The following MYO9B variants were observed in gnomAD, a reference collection of about 807,000 sequenced individuals.
MYO9B encodes the protein myosin IXB.
A neutral mutation model predicts 229.5 loss-of-function variants in MYO9B; 71 were observed. That is an observed-to-expected ratio of 0.31 (90% CI 0.26 to 0.38). The LOEUF is 0.38. MYO9B is among the 10% of genes least tolerant of loss of function. The probability of loss-of-function intolerance (pLI) is 1.00; values close to 1 mark genes in which losing one functional copy is unlikely to be tolerated. For missense variants in MYO9B, 2,255 were observed against 2,920.5 expected (o/e 0.77, Z 5.25); for synonymous variants, 1,185 against 1,235.8 (o/e 0.96, Z 0.86).
chr19:17,159,286 CCGTCT>C, intron 7 of MYO9B, 104 bp from the exon 8 acceptor site: 1 of 959,804 alleles, frequency 1.0e-6, no homozygotes, highest in Non-Finnish European at 1.6e-6. Context: ...TGCTGGGGGT[CCGTCT>C]CCCAGCTGCC....
At chr19:17,170,831 T>TA (rs548201494) in intron 11 of MYO9B, among the ~76,000 whole-genome samples, 4,569 of 120,846 alleles carry the variant, frequency 0.038, 206 homozygotes, top group East Asian at 0.1. Context: ...CTCTAAAAAT[T>TA]AAAAAAAAAA....
intron 2 of MYO9B, among the ~76,000 whole-genome samples, chr19:17,135,468 C>G (rs2072257690): frequency 6.6e-6 from 1 of 152,136 alleles, no homozygotes; most frequent in Admixed American, 6.6e-5. Flanking sequence ...CCAGGCACAC[C>G]AGCCACCCTT....
intron 9 of MYO9B, 101 bp from the exon 10 acceptor site, chr19:17,162,887 G>A (rs1462522989): frequency 7.7e-7 from 1 of 1,295,942 alleles, no homozygotes; most frequent in Non-Finnish European, 1.1e-6. Flanking sequence ...CAGGGACTGG[G>A]GACCTAACAG....
rs768497659 is a variant in MYO9B, at chr19:17,206,249, C to T, written c.5259C>T (p.Asp1753=). The change falls in exon 33 of 40, where the codon GAC becomes GAT. Residue 1753 remains aspartate, a splice_region_variant and synonymous_variant. Transcript: ENST00000682292. ...AGACCCACCCCACCCACCCCACAGA[C>T]CCCGCAGCAGTCAAGCTGGAGAACT... ...TRELRQALQT[D]PAAVKLENFP... 127 of 1,540,638 alleles carry T rather than the reference C, an allele frequency of 8.2e-5. No homozygotes were observed. Among genetic ancestry groups the T allele is most frequent in the Non-Finnish European group, 1.0e-4 (119 of 1,152,506 alleles).
intron 26 of MYO9B, among the ~76,000 whole-genome samples, chr19:17,201,036 C>T (rs886599246): frequency 6.6e-6 from 1 of 152,200 alleles, no homozygotes; most frequent in African/African-American, 2.4e-5. Flanking sequence ...CCCAGCAGTT[C>T]AAAACCAGCC....
intron 2 of MYO9B, among the ~76,000 whole-genome samples, chr19:17,119,780 T>C (rs2057943913): frequency 6.6e-6 from 1 of 152,144 alleles, no homozygotes; most frequent in South Asian, 2.1e-4. Context: ...GCCTCCCAAG[T>C]ATCTGGGACT....
rs55894910 is a variant in MYO9B, at chr19:17,170,647, C to CAAAAA, written c.1794-1666_1794-1662dup. Among the ~76,000 whole-genome samples, 173 of 88,826 alleles carry CAAAAA rather than the reference C, an allele frequency of 1.9e-3. 19 individuals carry two copies. Among genetic ancestry groups the CAAAAA allele is most frequent in the African/African-American group, 7.2e-3 (164 of 22,786 alleles). The allele number at this position is 88,826 out of a possible 152,430, so 58.3% of individuals were successfully genotyped here. A position where few individuals can be genotyped will look rare whatever the true frequency, so the allele number is the denominator to read the frequency against. ...GCACCATAGTGAGACCCCATCTCTA[C>CAAAAA]AAAAAAAAAAAAAAAAAAAAAAAAA... On this transcript the variant is annotated intron_variant, in intron 11 of 39. Coordinates refer to ENST00000682292, the MANE Select transcript of MYO9B (RefSeq NM_004145.4).
At chr19:17,147,542 CAA>C (rs71334674) in intron 3 of MYO9B, among the ~76,000 whole-genome samples, 2 of 64,348 alleles carry the variant, frequency 3.1e-5, no homozygotes, top group Admixed American at 1.9e-4. Flanking sequence ...AAGTCCATCT[CAA>C]AAAAAAAAAA....
intron 15 of MYO9B, among the ~76,000 whole-genome samples, chr19:17,181,781 C>T (rs902816138): frequency 5.3e-5 from 8 of 152,084 alleles, no homozygotes; most frequent in African/African-American, 1.7e-4. Flanking sequence ...TTCGTTCTTT[C>T]GTTCTTTTTT....
Position 17,081,913 on chromosome 19 carries a change from G to A in MYO9B, c.-59+6039G>A, listed in dbSNP as rs529255833. ...TTGAGGGCCAGGTCCACAAGGCTGC[G>A]TGTGCCTGGTGGGGAAGCAGGATGA... On this transcript the variant is annotated intron_variant, in intron 1 of 39. Transcript: ENST00000682292. 7.9e-5 allele frequency among the ~76,000 whole-genome samples: 12 copies of A among 152,076 alleles called. No individual in the cohort carries two copies. In the South Asian group the frequency reaches 2.1e-3, roughly 26 times the overall value.
rs374324363 is a variant in MYO9B, at chr19:17,191,239, G to C, written c.2811+20G>C. The C allele has an allele frequency of 6.2e-5, 100 of 1,607,080 alleles. No individual in the cohort carries two copies. The highest frequency in any genetic ancestry group is 8.0e-5 in the Non-Finnish European group (94 of 1,176,908). The stretch of plus-strand genomic sequence containing the variant: ...ACCAAGGTCAGCGCTCCTGCCCCTC[G>C]GGGCACTACAAACCCACACCCTGCC... On this transcript the variant is annotated intron_variant, in intron 20 of 39. Coordinates refer to ENST00000682292, the MANE Select transcript of MYO9B (RefSeq NM_004145.4).
chr19:17,202,072 C>T (rs377375754), intron 27 of MYO9B, 48 bp downstream of exon 27: 375 of 1,611,350 alleles, frequency 2.3e-4, no homozygotes, highest in Admixed American at 4.5e-4. Context: ...TGCTCAGACC[C>T]GTCATTCCCA....
chr19:17,197,367 G>T (rs947151340), intron 22 of MYO9B, among the ~76,000 whole-genome samples: 1 of 151,422 alleles, frequency 6.6e-6, no homozygotes, highest in African/African-American at 2.4e-5. Context: ...TAGAGACAAT[G>T]AGTCAATGAG....
At chr19:17,130,577 G>A (rs1360392551) in intron 2 of MYO9B, among the ~76,000 whole-genome samples, 2 of 151,474 alleles carry the variant, frequency 1.3e-5, no homozygotes, top group Non-Finnish European at 2.9e-5. Flanking sequence ...CCGAGATCGT[G>A]CCACTGCACT....
chr19:17,169,609 A>C (rs1347358381), intron 11 of MYO9B, among the ~76,000 whole-genome samples: 1 of 152,008 alleles, frequency 6.6e-6, no homozygotes, highest in Non-Finnish European at 1.5e-5. Context: ...GGAAGTCTAA[A>C]GTCAAACTGT....
intron 2 of MYO9B, among the ~76,000 whole-genome samples, chr19:17,137,525 C>A (rs1329289428): frequency 1.3e-5 from 2 of 152,160 alleles, no homozygotes; most frequent in South Asian, 2.1e-4. Context: ...TCATCTCTCT[C>A]TGGGGCCCCC....
intron 1 of MYO9B, among the ~76,000 whole-genome samples, chr19:17,082,184 C>T (rs2057539649): frequency 6.6e-6 from 1 of 152,182 alleles, no homozygotes; most frequent in African/African-American, 2.4e-5. Context: ...ACAGAAATAG[C>T]CCTCGCCTCT....
intron 19 of MYO9B, 135 bp from the exon 20 acceptor site, chr19:17,190,962 C>G: frequency 1.0e-6 from 1 of 966,384 alleles, no homozygotes. Flanking sequence ...TTTCTGAAAG[C>G]CTGAAATTTT....
intron 36 of MYO9B, 127 bp downstream of exon 36, chr19:17,209,836 G>A: frequency 7.9e-7 from 1 of 1,273,018 alleles, no homozygotes. Flanking sequence ...CGGGGCCTTG[G>A]GTGGGCAGGA....
Sources: gnomAD v4.1 joint callset for allele counts (sites outside exome capture counted in the v4.1 genomes callset) on GRCh38, gnomAD v4.1.1 for gene constraint, MANE v1.5 for transcripts, NCBI Gene and HGNC (gene_info 2026-07-23, HGNC 2026-07-21) for gene names.